PEAK1: variants seen among roughly 807,000 people sequenced by gnomAD.
PEAK1 encodes the protein inactive tyrosine-protein kinase PEAK1.
PEAK1 carries 54 observed loss-of-function variants against 124.7 expected under a neutral mutation model. That is an observed-to-expected ratio of 0.43 (90% CI 0.35 to 0.54). The LOEUF is 0.54. Ranked by LOEUF, PEAK1 falls within the 20% of genes least tolerant of loss-of-function variation. The pLI is 0.01. For missense variants in PEAK1, 2,046 were observed against 2,134.5 expected (o/e 0.96, Z 0.82); for synonymous variants, 719 against 760.0 (o/e 0.95, Z 0.89).
chr15:77,339,960 T>C (rs2066430717), intron 2 of PEAK1, among the ~76,000 whole-genome samples: 1 of 152,202 alleles, frequency 6.6e-6, no homozygotes, highest in African/African-American at 2.4e-5. Context: ...AATACACTTA[T>C]TACAATGGCT....
At chr15:77,332,567 T>C (rs1446467727) in intron 2 of PEAK1, among the ~76,000 whole-genome samples, 2 of 151,858 alleles carry the variant, frequency 1.3e-5, no homozygotes, top group Non-Finnish European at 2.9e-5. Flanking sequence ...ACCACTGCAC[T>C]CCAGGCTGGG....
In PEAK1 at chr15:77,180,376, T is replaced by C. The variant is rs1372085806; in HGVS notation, c.1551A>G (p.Gly517=). 6.2e-7 allele frequency: 1 copy of C among 1,614,140 alleles called. No homozygotes were observed. Among genetic ancestry groups the C allele is most frequent in the East Asian group, 2.2e-5 (1 of 44,886 alleles). Residue 517 remains glycine (G), a synonymous_variant, in exon 7 of 10, where the codon GGA becomes GGG. Coordinates refer to ENST00000682557, the MANE Select transcript of PEAK1 (RefSeq NM_001385026.1). ...ATTTTTGGAAATGGGCACTTATTTG[T>C]CCTGGTGTCAATGAAGATGATGTAA... The part of the protein sequence containing the change: ...SPVTSSSLTP[G]QISAHFQKSS...
At chr15:77,255,910 T>C (rs979025877) in intron 5 of PEAK1, among the ~76,000 whole-genome samples, 3 of 152,206 alleles carry the variant, frequency 2.0e-5, no homozygotes, top group African/African-American at 7.2e-5. Context: ...CTTTGAAATG[T>C]ATTTTGTGTT....
chr15:77,156,900 G>A (rs1263278795), intron 8 of PEAK1: 1 of 152,146 alleles, frequency 6.6e-6, no homozygotes, highest in African/African-American at 2.4e-5. Context: ...CCAATAAGCT[G>A]TTTGATGATA....
intron 6 of PEAK1, among the ~76,000 whole-genome samples, chr15:77,194,005 A>G (rs2152836873): frequency 6.6e-6 from 1 of 152,326 alleles, no homozygotes; most frequent in Admixed American, 6.5e-5. Context: ...CTGAAGCTCC[A>G]GACTTCGGCT....
intron 2 of PEAK1, among the ~76,000 whole-genome samples, chr15:77,360,616 C>T (rs1192784089): frequency 2.0e-5 from 3 of 152,070 alleles, no homozygotes; most frequent in Admixed American, 2.0e-4. Flanking sequence ...CTCACCTATA[C>T]AGAGGACTGA....
intron 9 of PEAK1, among the ~76,000 whole-genome samples, chr15:77,124,222 C>T (rs2052175299): frequency 6.6e-6 from 1 of 152,232 alleles, no homozygotes; most frequent in African/African-American, 2.4e-5. Context: ...TCCAATTGCT[C>T]CTGCTTTGGG....
chr15:77,325,929 T>A (rs951926505), intron 2 of PEAK1, among the ~76,000 whole-genome samples: 2 of 151,976 alleles, frequency 1.3e-5, no homozygotes, highest in Non-Finnish European at 2.9e-5. Context: ...GCTACAAATG[T>A]AAGGTGACCA....
intron 5 of PEAK1, among the ~76,000 whole-genome samples, chr15:77,280,558 G>T (rs896909730): frequency 1.5e-5 from 2 of 134,024 alleles, no homozygotes; most frequent in Non-Finnish European, 1.6e-5. Context: ...ATAATCAAAT[G>T]ATTTCCTTTT....
In PEAK1 at chr15:77,114,264, C is replaced by T; in HGVS notation, c.5133G>A (p.Leu1711=). The change falls in exon 10 of 10, where the codon CTG becomes CTA. Residue 1711 remains leucine, a synonymous_variant. Coordinates refer to ENST00000682557, the MANE Select transcript of PEAK1 (RefSeq NM_001385026.1). ...CAAGGCTGATTCCACCTTCCCTGTC[C>T]AGGGACTTCTCAGCAAACTTGATCA... ...LLMIKFAEKS[L]DREGGISLED... The T allele has an allele frequency of 1.9e-6, 3 of 1,614,172 alleles. No individual in the cohort carries two copies. Among genetic ancestry groups the T allele is most frequent in the Non-Finnish European group, 2.5e-6 (3 of 1,180,022 alleles).
chr15:77,414,180 C>T lies in PEAK1; in HGVS notation c.-666+5826G>A, dbSNP rs1212375011. Among the ~76,000 whole-genome samples, 15 of 146,640 alleles carry T rather than the reference C, an allele frequency of 1.0e-4. No homozygotes were observed. In the East Asian group the frequency reaches 1.8e-3, roughly 17 times the overall value. On this transcript the variant is annotated intron_variant, in intron 1 of 9. Transcript: ENST00000682557. ...TCCTTCTTTCTCTTTCCTTCCTTTC[C>T]TTCTGTCTTTCCTTCCTTCTTTCCT...
At chr15:77,286,264 T>A (rs2062926214) in intron 3 of PEAK1, among the ~76,000 whole-genome samples, 159 bp downstream of exon 3, 1 of 152,102 alleles carries the variant, frequency 6.6e-6, no homozygotes, top group African/African-American at 2.4e-5. Context: ...TAGTTGCAAA[T>A]AGTTTGAAAA....
intron 5 of PEAK1, among the ~76,000 whole-genome samples, chr15:77,257,821 G>GT (rs1401248733): frequency 1.6e-5 from 2 of 126,954 alleles, no homozygotes; most frequent in Admixed American, 1.6e-4. Flanking sequence ...GTCCTGAATG[G>GT]TAAGGCCTAG....
rs938953112 is a variant in PEAK1 at position 77,109,961 on chromosome 15, A to G, written c.*4195T>C. ...ACTTTTTCAGATCACTGCTGGTAAA[A>G]TCTAGAAGAAATCCTAATTGCAGTC... On this transcript the variant is annotated 3_prime_UTR_variant, in exon 10 of 10. Coordinates refer to ENST00000682557, the MANE Select transcript of PEAK1 (RefSeq NM_001385026.1). The G allele has an allele frequency of 2.6e-5, 4 of 152,186 alleles. No individual in the cohort carries two copies. Among genetic ancestry groups the G allele is most frequent in the African/African-American group, 9.7e-5 (4 of 41,434 alleles). 9.4% of individuals were successfully genotyped at this position (152,186 alleles called of 1,614,324 possible).
intron 5 of PEAK1, 74 bp from the exon 6 acceptor site, chr15:77,252,600 T>C (rs2060929627): frequency 1.3e-6 from 1 of 770,192 alleles, no homozygotes; most frequent in Admixed American, 6.2e-5. Flanking sequence ...TTTTCTTAGA[T>C]ATTCCTAATA....
rs1401272297 is a variant in PEAK1 at position 77,250,118 on chromosome 15, T to TA, written c.-115+2248_-115+2249insT. Reference sequence around the variant, plus strand: ...TAGAGGTTTAACCCACAATTAGAGATTTTTTTTTAAAGAAATCACTGTTAA... The same window carrying TA: ...TAGAGGTTTAACCCACAATTAGAGATATTTTTTTTAAAGAAATCACTGTTAA... On this transcript the variant is annotated intron_variant, in intron 6 of 9. Coordinates refer to ENST00000682557, the MANE Select transcript of PEAK1 (RefSeq NM_001385026.1). Among the ~76,000 whole-genome samples the TA allele has an allele frequency of 2.2e-5, 3 of 138,872 alleles. No individual in the cohort carries two copies. The East Asian group carries it at 5.9e-4, about 27-fold the overall frequency. 91.1% of individuals were successfully genotyped at this position (138,872 alleles called of 152,430 possible).
intron 2 of PEAK1, among the ~76,000 whole-genome samples, chr15:77,325,518 C>T (rs1467540633): frequency 2.6e-5 from 4 of 152,008 alleles, no homozygotes; most frequent in East Asian, 3.8e-4. Context: ...AGCTGTCAAG[C>T]GCTTTTATAT....
intron 1 of PEAK1, among the ~76,000 whole-genome samples, chr15:77,379,018 G>C (rs556840101): frequency 3.9e-5 from 6 of 152,140 alleles, no homozygotes; most frequent in African/African-American, 1.2e-4. Context: ...TGTTTTTAAA[G>C]AGCTATATCT....
At chr15:77,378,188 T>TTTTATATATATATATA (rs1555497620) in intron 1 of PEAK1, among the ~76,000 whole-genome samples, 1 of 129,694 alleles carries the variant, frequency 7.7e-6, no homozygotes, top group Non-Finnish European at 1.7e-5. Context: ...TATAACAATA[T>TTTTATATATATATATA]TATATATATA....
Sources: gnomAD v4.1 joint callset for allele counts (sites outside exome capture counted in the v4.1 genomes callset) on GRCh38, gnomAD v4.1.1 for gene constraint, MANE v1.5 for transcripts, NCBI Gene and HGNC (gene_info 2026-07-23, HGNC 2026-07-21) for gene names.